DIP2A: variants seen among roughly 807,000 people sequenced by gnomAD.
DIP2A encodes the protein disco-interacting protein 2 homolog A.
Under a neutral mutation model 177.4 loss-of-function variants are expected in DIP2A, and 85 were observed. That is an observed-to-expected ratio of 0.48 (90% CI 0.40 to 0.57). DIP2A has a LOEUF of 0.57. DIP2A is among the 20% of genes least tolerant of loss of function. The probability of loss-of-function intolerance (pLI) is 0.00; values close to 1 mark genes in which losing one functional copy is unlikely to be tolerated. For synonymous variants in DIP2A, 886 were observed against 881.8 expected, an observed-to-expected ratio of 1.00 and a Z score of -0.08; for missense variants, 1,791 against 2,100.2, an observed-to-expected ratio of 0.85 and a Z score of 2.88.
Position 46,551,680 on chromosome 21 carries a change from G to T in DIP2A, c.2886G>T (p.Lys962Asn), listed in dbSNP as rs1280788719. 1.2e-6 allele frequency: 2 copies of T among 1,614,034 alleles called. No homozygotes were observed. The highest frequency in any genetic ancestry group is 1.7e-5 in the Admixed American group (1 of 60,028). ...SMIVGNLVAG[K>N]RIAQASGREL... ...TCGTGGGGAACCTGGTTGCTGGGAA[G>T]AGAATCGCTCAGGCTTCCGGGAGAG... Residue 962 changes from lysine (K) to asparagine (N), a missense_variant, in exon 24 of 38, where the codon AAG (lysine) becomes AAT (asparagine). By Grantham distance (94) the Lys-to-Asn change is moderately conservative (BLOSUM62 0). Coordinates refer to ENST00000417564, the MANE Select transcript of DIP2A (RefSeq NM_015151.4).
At chr21:46,459,316 T>G in intron 1 of DIP2A, 94 bp downstream of exon 1, 1 of 874,336 alleles carries the variant, frequency 1.1e-6, no homozygotes, top group Non-Finnish European at 1.5e-6. Flanking sequence ...GGCCCCTCAC[T>G]CCAGGACCCC....
chr21:46,461,213 A>C (rs1177399069), intron 1 of DIP2A, among the ~76,000 whole-genome samples: 1 of 140,738 alleles, frequency 7.1e-6, no homozygotes, highest in African/African-American at 2.7e-5. Context: ...CAGGAGGATC[A>C]CCTGAGCACT....
At chr21:46,547,126 A>G in intron 21 of DIP2A, 84 bp downstream of exon 21, 2 of 1,538,206 alleles carry the variant, frequency 1.3e-6, no homozygotes, top group Non-Finnish European at 1.8e-6. Flanking sequence ...TGGAAAGCCC[A>G]GCAAACTTGA....
intron 7 of DIP2A, among the ~76,000 whole-genome samples, chr21:46,510,846 G>T (rs1165923919): frequency 6.6e-6 from 1 of 151,954 alleles, no homozygotes; most frequent in East Asian, 1.9e-4. Context: ...TGTTAACCAG[G>T]ATGGTCTCGA....
At chr21:46,559,377 C>T (rs918765695) in intron 32 of DIP2A, among the ~76,000 whole-genome samples, 6 of 152,240 alleles carry the variant, frequency 3.9e-5, no homozygotes, top group African/African-American at 1.4e-4. Flanking sequence ...GCAGGTCTGT[C>T]TCTGTTTCCA....
chr21:46,564,357 G>A (rs1438125146), intron 35 of DIP2A, among the ~76,000 whole-genome samples: 2 of 152,234 alleles, frequency 1.3e-5, no homozygotes, highest in Non-Finnish European at 1.5e-5. Flanking sequence ...CCTGCAGCTG[G>A]GAGGTTTGGG....
chr21:46,567,586 C>G lies in DIP2A; in HGVS notation c.4680C>G (p.Asp1560Glu). The G allele has an allele frequency of 3.7e-6, 6 of 1,609,608 alleles. No homozygotes were observed. The highest frequency in any genetic ancestry group is 5.1e-6 in the Non-Finnish European group (6 of 1,177,358). ...RMHLRDGFLA[D>E]QLDPIYVAYN... ...ACCTGCGGGACGGCTTCCTGGCTGA[C>G]CAGCTGGACCCCATCTATGTCGCCT... Residue 1560 changes from aspartate to glutamate, a missense_variant, in exon 38 of 38, where the codon GAC becomes GAG. Physicochemically the swap from Asp to Glu is conservative, Grantham distance 45 (BLOSUM62 2). Coordinates refer to ENST00000417564, the MANE Select transcript of DIP2A (RefSeq NM_015151.4).
chr21:46,534,153 C>A (rs1601715365), intron 12 of DIP2A, 40 bp downstream of exon 12: 3 of 1,487,608 alleles, frequency 2.0e-6, no homozygotes, highest in Non-Finnish European at 1.9e-6. Flanking sequence ...AAAAACATGT[C>A]CCACAGGCTT....
Position 46,513,723 on chromosome 21 carries a change from A to G in DIP2A, c.1102+2109A>G, listed in dbSNP as rs186044463. 2.9e-3 allele frequency among the ~76,000 whole-genome samples: 446 copies of G among 152,298 alleles called. 3 individuals are homozygous for G. Among genetic ancestry groups the G allele is most frequent in the Non-Finnish European group, 3.9e-3 (266 of 68,028 alleles). ...AATCCAAAATCCAAAATGCTCTAAA[A>G]TCTGAAACTGCTTGAAGCTGACATG... On this transcript the variant is annotated intron_variant, in intron 8 of 37. Transcript: ENST00000417564.
At chr21:46,554,005 A>C in intron 25 of DIP2A, 164 bp from the exon 26 acceptor site, 2 of 964,686 alleles carry the variant, frequency 2.1e-6, no homozygotes, top group Non-Finnish European at 2.9e-6. Flanking sequence ...CTCTACCAAA[A>C]AAAAGACACC....
chr21:46,482,121 A>C (rs1025881990), intron 1 of DIP2A, among the ~76,000 whole-genome samples: 6 of 152,224 alleles, frequency 3.9e-5, no homozygotes, highest in African/African-American at 1.4e-4. Flanking sequence ...AAATTTGATA[A>C]ACCTCTAACA....
intron 1 of DIP2A, among the ~76,000 whole-genome samples, chr21:46,482,050 A>AAAAAAC (rs896071836): frequency 1.3e-5 from 2 of 152,194 alleles, no homozygotes; most frequent in Admixed American, 6.6e-5. Flanking sequence ...CTCCGTCTCA[A>AAAAAAC]AAAAACAAAA....
At chr21:46,477,664 C>T (rs1225410059) in intron 1 of DIP2A, among the ~76,000 whole-genome samples, 5 of 149,576 alleles carry the variant, frequency 3.3e-5, no homozygotes, top group Non-Finnish European at 7.4e-5. Flanking sequence ...ACCTCCGCCT[C>T]CCTGGTTCAA....
At chr21:46,481,467 T>C (rs2056339434) in intron 1 of DIP2A, among the ~76,000 whole-genome samples, 2 of 152,192 alleles carry the variant, frequency 1.3e-5, no homozygotes. Context: ...TTCTCTAGGG[T>C]AGATAATCAA....
the DIP2A span, among the ~76,000 whole-genome samples, chr21:46,582,655 A>T: frequency 3.9e-4 from 59 of 151,610 alleles, no homozygotes; most frequent in African/African-American, 1.4e-3. Context: ...GTCAGTCTCA[A>T]TGAGAGAACC....
intron 2 of DIP2A, 98 bp from the exon 3 acceptor site, chr21:46,490,502 T>C: frequency 7.3e-7 from 1 of 1,365,548 alleles, no homozygotes; most frequent in Non-Finnish European, 9.9e-7. Context: ...ATAGAGGGTA[T>C]GCAACAGATG....
intron 9 of DIP2A, 29 bp from the exon 10 acceptor site, chr21:46,532,098 G>T: frequency 6.3e-7 from 1 of 1,578,616 alleles, no homozygotes; most frequent in Non-Finnish European, 8.6e-7. Context: ...TTGGAAATTT[G>T]GAATATTCAT....
chr21:46,477,285 C>A (rs1172132698), intron 1 of DIP2A, among the ~76,000 whole-genome samples: 6 of 151,978 alleles, frequency 3.9e-5, no homozygotes, highest in African/African-American at 1.4e-4. Flanking sequence ...TGGCTCACGT[C>A]TGTAATCCCA....
chr21:46,464,620 G>A (rs2054630293), intron 1 of DIP2A, among the ~76,000 whole-genome samples: 1 of 152,078 alleles, frequency 6.6e-6, no homozygotes, highest in South Asian at 2.1e-4. Flanking sequence ...ATCCCATGGT[G>A]GAAGGTGAGA....
Sources: allele counts gnomAD v4.1 joint callset (sites outside exome capture counted in the v4.1 genomes callset), GRCh38; gene constraint gnomAD v4.1.1; transcripts MANE v1.5; gene names NCBI Gene and HGNC (gene_info 2026-07-23, HGNC 2026-07-21).